Variants in FGF1 observed in about 807,000 individuals in gnomAD.
FGF1 encodes fibroblast growth factor 1, also known as beta-endothelial cell growth factor.
FGF1 carries 9 observed loss-of-function variants against 13.4 expected under a neutral mutation model. The ratio of observed to expected loss-of-function variants is 0.67; its 90% CI spans 0.40 to 1.17. FGF1 has a LOEUF of 1.17. Among genes scored for constraint, FGF1 ranks in the 50% most tolerant of loss-of-function variants. The pLI is 0.01. For synonymous variants in FGF1, 93 were observed against 79.0 expected, an observed-to-expected ratio of 1.18 and a Z score of -0.94; for missense variants, 156 against 192.7, an observed-to-expected ratio of 0.81 and a Z score of 1.13.
chr5:142,663,528 CT>C (rs1159856288), intron 1 of FGF1, among the ~76,000 whole-genome samples: 1 of 152,150 alleles, frequency 6.6e-6, no homozygotes, highest in African/African-American at 2.4e-5. Flanking sequence ...ACTATGGAAA[CT>C]TATTGGAAAG....
intron 2 of FGF1, among the ~76,000 whole-genome samples, chr5:142,696,719 GAGTTAATAAAA>G (rs1223214322): frequency 1.6e-4 from 24 of 152,322 alleles, no homozygotes; most frequent in African/African-American, 5.5e-4. Context: ...TCAGGCACAT[GAGTTAATAAAA>G]AAATCCTCTT....
intron 1 of FGF1, among the ~76,000 whole-genome samples, chr5:142,640,586 C>G (rs1031905726): frequency 6.6e-6 from 1 of 151,954 alleles, no homozygotes. Flanking sequence ...CAGCAGGATG[C>G]GGTACCTTCT....
At chr5:142,638,247 G>A (rs952835103) in intron 1 of FGF1, among the ~76,000 whole-genome samples, 1 of 151,976 alleles carries the variant, frequency 6.6e-6, no homozygotes, top group Non-Finnish European at 1.5e-5. Flanking sequence ...CATGTGCCAT[G>A]CTTACTCTCA....
At chr5:142,631,478 C>A (rs1324983838) in intron 1 of FGF1, among the ~76,000 whole-genome samples, 1 of 152,222 alleles carries the variant, frequency 6.6e-6, no homozygotes, top group Non-Finnish European at 1.5e-5. Flanking sequence ...CAATCACTTT[C>A]CCAGCAGGAT....
Position 142,592,381 on chromosome 5 carries a change from G to GC in FGF1, c.*2908dup, listed in dbSNP as rs1754423381. 2.5e-6 allele frequency: 1 copy of GC among 398,456 alleles called. No homozygotes were observed. Among genetic ancestry groups the GC allele is most frequent in the African/African-American group, 2.1e-5 (1 of 48,634 alleles). The allele number at this position is 398,456 out of a possible 1,614,324, so 24.7% of individuals were successfully genotyped here. The stretch of plus-strand genomic sequence containing the variant: ...CACAAAGCAAGGACCTTCAGTACTA[G>GC]CTGATGCTCCAATCAGTTTTTTGTT... On this transcript the variant is annotated 3_prime_UTR_variant, in exon 4 of 4. Coordinates refer to ENST00000337706, the MANE Select transcript of FGF1 (RefSeq NM_000800.5).
At chr5:142,625,948 T>G (rs10070929) in intron 1 of FGF1, among the ~76,000 whole-genome samples, 8,932 of 152,194 alleles carry the variant, frequency 0.059, 588 homozygotes, top group East Asian at 0.22. Flanking sequence ...TGCAGTCTTT[T>G]GAAGTATGTG....
Position 142,592,585 on chromosome 5 carries a change from A to G in FGF1, c.*2705T>C. On this transcript the variant is annotated 3_prime_UTR_variant, in exon 4 of 4. Coordinates refer to ENST00000337706, the MANE Select transcript of FGF1 (RefSeq NM_000800.5). ...TCACGTGACAGGAGCTGGCTATGAG[A>G]CTTACTTAAGACAGCAATGGGAATG... 5.0e-6 allele frequency: 2 copies of G among 396,686 alleles called. No individual in the cohort carries two copies. The highest frequency in any genetic ancestry group is 8.9e-6 in the Non-Finnish European group (2 of 225,242). 24.6% of individuals were successfully genotyped at this position (396,686 alleles called of 1,614,324 possible).
intron 2 of FGF1, among the ~76,000 whole-genome samples, chr5:142,603,180 G>A (rs1191404732): frequency 2.0e-5 from 3 of 152,124 alleles, no homozygotes; most frequent in Admixed American, 6.5e-5. Context: ...CCACTTGCTC[G>A]CTCTTTCTGC....
At chr5:142,607,069 G>C (rs1023283672) in intron 2 of FGF1, among the ~76,000 whole-genome samples, 5 of 152,160 alleles carry the variant, frequency 3.3e-5, no homozygotes, top group African/African-American at 1.2e-4. Flanking sequence ...GGGACACTTA[G>C]AGCTGGCCAA....
At chr5:142,623,785 C>T (rs1456074675) in intron 1 of FGF1, among the ~76,000 whole-genome samples, 1 of 150,706 alleles carries the variant, frequency 6.6e-6, no homozygotes, top group East Asian at 1.9e-4. Context: ...GCTCTGTCAC[C>T]CAGGCTGGAG....
intron 2 of FGF1, among the ~76,000 whole-genome samples, chr5:142,694,324 G>A (rs1752762088): frequency 6.6e-6 from 1 of 152,056 alleles, no homozygotes; most frequent in Admixed American, 6.6e-5. Flanking sequence ...TGGAAGGAAG[G>A]TGAGAACACC....
At chr5:142,661,334 C>A (rs570825056) in intron 1 of FGF1, among the ~76,000 whole-genome samples, 3 of 152,278 alleles carry the variant, frequency 2.0e-5, no homozygotes, top group African/African-American at 7.2e-5. Flanking sequence ...CAAAAAGGCA[C>A]CCAATAACAA....
rs552680634 is a variant in FGF1, at chr5:142,670,568, C to G, written c.-35+15389G>C. On this transcript the variant is annotated intron_variant, in intron 1 of 3. Transcript: ENST00000337706. ...CCACTCACACATGACAGCATGAGAG[C>G]AGAGAACATGTTTTATCTTTGAATC... 4.6e-5 allele frequency among the ~76,000 whole-genome samples: 7 copies of G among 152,248 alleles called. No homozygotes were observed. The East Asian group carries it at 1.4e-3, about 29-fold the overall frequency.
chr5:142,618,050 T>C lies in FGF1; in HGVS notation c.-34-3889A>G, dbSNP rs1191506510. The stretch of plus-strand genomic sequence containing the variant: ...CTGCTTCTTGTTACTATTTTCTTTT[T>C]AGTGGCTGTCAGAGGAGGGGATTGT... On this transcript the variant is annotated intron_variant, in intron 1 of 3. Transcript: ENST00000337706. Among the ~76,000 whole-genome samples the C allele has an allele frequency of 3.3e-5, 5 of 152,314 alleles. No individual in the cohort carries two copies. The East Asian group carries it at 9.7e-4, about 29-fold the overall frequency.
chr5:142,600,712 A>G lies in FGF1; in HGVS notation c.263T>C (p.Leu88Ser). ...QYLAMDTDGL[L>S]YGSQTPNEEC... Reference sequence around the variant, plus strand: ...CAGCTTCATACTTACTGAGCCGTATAAAAGCCCGTCGGTGTCCATGGCCAA... The same window carrying G: ...CAGCTTCATACTTACTGAGCCGTATGAAAGCCCGTCGGTGTCCATGGCCAA... Residue 88 changes from leucine (L) to serine (S), a missense_variant, in exon 3 of 4, where the codon TTA becomes TCA. Coordinates refer to ENST00000337706, the MANE Select transcript of FGF1 (RefSeq NM_000800.5). 2 of 1,611,058 alleles carry G rather than the reference A, an allele frequency of 1.2e-6. No homozygotes were observed. The highest frequency in any genetic ancestry group is 1.7e-6 in the Non-Finnish European group (2 of 1,177,170).
At chr5:142,667,281 C>T (rs1770574882) in intron 1 of FGF1, among the ~76,000 whole-genome samples, 1 of 144,346 alleles carries the variant, frequency 6.9e-6, no homozygotes. Flanking sequence ...GAGACTCGGT[C>T]TCAAGAAAAA....
chr5:142,651,992 C>G (rs368513187), intron 1 of FGF1, among the ~76,000 whole-genome samples: 1 of 152,132 alleles, frequency 6.6e-6, no homozygotes, highest in East Asian at 1.9e-4. Flanking sequence ...TCGTACCATG[C>G]GCTCTATTAA....
intron 2 of FGF1, among the ~76,000 whole-genome samples, chr5:142,602,176 CT>C (rs5871820): frequency 0.1 from 14,924 of 144,882 alleles, 980 homozygotes; most frequent in African/African-American, 0.2. Context: ...GTGTTCTTTT[CT>C]TTTTTTTTTT....
chr5:142,629,916 T>C (rs1397901227), intron 1 of FGF1, among the ~76,000 whole-genome samples: 3 of 143,124 alleles, frequency 2.1e-5, no homozygotes, highest in Non-Finnish European at 4.5e-5. Context: ...TTCTTTGAGA[T>C]AGAGTCTCGC....
Sources: gnomAD v4.1 joint callset for allele counts (sites outside exome capture counted in the v4.1 genomes callset) on GRCh38, gnomAD v4.1.1 for gene constraint, MANE v1.5 for transcripts, NCBI Gene and HGNC (gene_info 2026-07-23, HGNC 2026-07-21) for gene names.